ROBO2: variants seen among roughly 807,000 people sequenced by gnomAD.
ROBO2 encodes the protein roundabout guidance receptor 2.
In ROBO2, 53 loss-of-function variants were observed where a neutral mutation model predicts 160.8. That is an observed-to-expected ratio of 0.33 (90% CI 0.26 to 0.41). The LOEUF (loss-of-function observed/expected upper bound fraction) is 0.41, where lower values mean the gene tolerates loss of function less well. ROBO2 is among the 10% of genes least tolerant of loss of function. ROBO2 has a pLI of 1.00. For synonymous variants in ROBO2, 664 were observed against 611.7 expected (o/e 1.09, Z -1.26); for missense variants, 1,577 against 1,722.4 (o/e 0.92, Z 1.49).
chr3:77,001,177 C>T (rs2061319179), intron 2 of ROBO2, among the ~76,000 whole-genome samples: 1 of 152,098 alleles, frequency 6.6e-6, no homozygotes, highest in South Asian at 2.1e-4. Context: ...TGATACCGTA[C>T]TTTGAGGAAA....
chr3:76,689,555 A>C (rs1307459804), intron 2 of ROBO2, among the ~76,000 whole-genome samples: 1 of 152,110 alleles, frequency 6.6e-6, no homozygotes, highest in African/African-American at 2.4e-5. Context: ...CCTGTCTCCT[A>C]CTTCTGCACA....
chr3:76,371,117 C>A (rs2076077901), intron 2 of ROBO2, among the ~76,000 whole-genome samples: 1 of 151,752 alleles, frequency 6.6e-6, no homozygotes, highest in African/African-American at 2.4e-5. Context: ...TGTGTGTGTT[C>A]GTGTATGTGT....
intron 2 of ROBO2, among the ~76,000 whole-genome samples, chr3:77,244,347 G>C (rs530743216): frequency 1.3e-5 from 2 of 152,236 alleles, no homozygotes; most frequent in East Asian, 3.9e-4. Flanking sequence ...TAGTTGTCAG[G>C]AAAACATGGT....
At chr3:76,750,828 C>T (rs1381663146) in intron 2 of ROBO2, among the ~76,000 whole-genome samples, 1 of 152,112 alleles carries the variant, frequency 6.6e-6, no homozygotes, top group African/African-American at 2.4e-5. Context: ...ATTCCATGCT[C>T]ATGGGTAGGA....
At chr3:76,252,397 A>G (rs898616977) in intron 2 of ROBO2, among the ~76,000 whole-genome samples, 3 of 152,094 alleles carry the variant, frequency 2.0e-5, no homozygotes, top group African/African-American at 7.2e-5. Context: ...CAATGAATGA[A>G]AGATGAAAGC....
intron 2 of ROBO2, among the ~76,000 whole-genome samples, chr3:77,164,388 TG>T (rs370665343): frequency 1.2e-5 from 1 of 83,174 alleles, no homozygotes; most frequent in African/African-American, 3.3e-5. Context: ...GGGAGGGAGG[TG>T]GGGGGTCAGC....
intron 2 of ROBO2, among the ~76,000 whole-genome samples, chr3:76,485,226 A>T (rs1228612638): frequency 6.6e-6 from 1 of 152,040 alleles, no homozygotes; most frequent in Non-Finnish European, 1.5e-5. Context: ...GTTTTCCTGC[A>T]ACTAGATGGC....
chr3:77,444,537 T>A (rs2080268999), intron 2 of ROBO2, among the ~76,000 whole-genome samples: 1 of 152,204 alleles, frequency 6.6e-6, no homozygotes. Flanking sequence ...TAATTTTTTC[T>A]AAGTTCAGTT....
intron 2 of ROBO2, among the ~76,000 whole-genome samples, chr3:77,117,659 T>C (rs1365532469): frequency 1.3e-5 from 2 of 152,192 alleles, no homozygotes; most frequent in Non-Finnish European, 2.9e-5. Flanking sequence ...GGTAAGTTTA[T>C]GTCTTTTAAA....
At chr3:76,959,298 A>G (rs2079489291) in intron 2 of ROBO2, among the ~76,000 whole-genome samples, 1 of 152,232 alleles carries the variant, frequency 6.6e-6, no homozygotes, top group African/African-American at 2.4e-5. Flanking sequence ...AAAAGAGTTT[A>G]TGGTAGATTT....
chr3:76,898,554 A>G (rs1363887612), intron 2 of ROBO2, among the ~76,000 whole-genome samples: 3 of 152,136 alleles, frequency 2.0e-5, no homozygotes, highest in East Asian at 3.9e-4. Context: ...CTAAGATCCT[A>G]TATTTGGTAT....
At chr3:76,346,249 ATTT>A (rs74266989) in intron 2 of ROBO2, among the ~76,000 whole-genome samples, 1 of 143,394 alleles carries the variant, frequency 7.0e-6, no homozygotes. Flanking sequence ...CATTAAGAGA[ATTT>A]TTTTTTTTTT....
chr3:76,439,432 G>T (rs2076823313), intron 2 of ROBO2, among the ~76,000 whole-genome samples: 1 of 151,618 alleles, frequency 6.6e-6, no homozygotes, highest in African/African-American at 2.4e-5. Context: ...CAAAGAAGAA[G>T]CATGAAGAGC....
At chr3:76,204,559 A>G (rs1481193116) in intron 2 of ROBO2, among the ~76,000 whole-genome samples, 1 of 152,212 alleles carries the variant, frequency 6.6e-6, no homozygotes, top group African/African-American at 2.4e-5. Context: ...CTAATTCAAT[A>G]GCCACCTGCA....
chr3:76,665,996 TAATATATA>T, intron 2 of ROBO2, among the ~76,000 whole-genome samples: 1 of 122,606 alleles, frequency 8.2e-6, no homozygotes, highest in Non-Finnish European at 1.8e-5. Context: ...GTAATATATA[TAATATATA>T]ATATATACAT....
chr3:76,450,942 C>T (rs994148598), intron 2 of ROBO2, among the ~76,000 whole-genome samples: 1 of 152,122 alleles, frequency 6.6e-6, no homozygotes, highest in African/African-American at 2.4e-5. Flanking sequence ...CATCCAACCA[C>T]AAGATTTGAG....
chr3:77,424,704 A>G lies in ROBO2; in HGVS notation c.389-52710A>G, dbSNP rs549627741. ...TGAAATTGTTTCCATCAATTTGAGA[A>G]AATACTGAGGTTTCTTAGTTTGGTT... On this transcript the variant is annotated intron_variant, in intron 2 of 25. Transcript: ENST00000461745. 1.3e-3 allele frequency among the ~76,000 whole-genome samples: 196 copies of G among 152,282 alleles called. 1 individual carries two copies. The highest frequency in any genetic ancestry group is 6.8e-3 in the Middle Eastern group (2 of 294).
At chr3:77,143,556 C>G (rs1248122443) in intron 2 of ROBO2, among the ~76,000 whole-genome samples, 1 of 152,076 alleles carries the variant, frequency 6.6e-6, no homozygotes, top group Non-Finnish European at 1.5e-5. Flanking sequence ...AAGTGTCAGA[C>G]ATCACTTTAA....
chr3:77,286,146 C>T (rs1440592965), intron 2 of ROBO2, among the ~76,000 whole-genome samples: 3 of 151,884 alleles, frequency 2.0e-5, no homozygotes, highest in Non-Finnish European at 4.4e-5. Flanking sequence ...TTACCTTATA[C>T]TCTATTTCCA....
Sources: gnomAD v4.1 joint callset for allele counts (sites outside exome capture counted in the v4.1 genomes callset) on GRCh38, gnomAD v4.1.1 for gene constraint, MANE v1.5 for transcripts, NCBI Gene and HGNC (gene_info 2026-07-23, HGNC 2026-07-21) for gene names.